XKR4: variants seen among roughly 807,000 people sequenced by gnomAD.
XKR4 encodes XK related 4.
XKR4 carries 12 observed loss-of-function variants against 53.9 expected under a neutral mutation model. That is an observed-to-expected ratio of 0.22 (90% CI 0.14 to 0.36). XKR4 has a LOEUF of 0.36. Among genes scored for constraint, XKR4 ranks in the 10% least tolerant of loss-of-function variants. XKR4 has a pLI of 1.00. For missense variants in XKR4, 799 were observed against 859.5 expected, an observed-to-expected ratio of 0.93 and a Z score of 0.88; for synonymous variants, 354 against 362.4, an observed-to-expected ratio of 0.98 and a Z score of 0.26.
intron 2 of XKR4, among the ~76,000 whole-genome samples, chr8:55,365,525 A>G (rs1803966670): frequency 6.6e-6 from 1 of 152,128 alleles, no homozygotes; most frequent in Non-Finnish European, 1.5e-5. Context: ...ACCAACGTGG[A>G]GAAACCCCGG....
chr8:55,395,948 T>C lies in XKR4; in HGVS notation c.1006+38071T>C, dbSNP rs970887424. Among the ~76,000 whole-genome samples, 34 of 152,224 alleles carry C rather than the reference T, an allele frequency of 2.2e-4. 2 individuals carry two copies. The highest frequency in any genetic ancestry group is 8.2e-4 in the African/African-American group (34 of 41,464). ...CCCACTGTCTGCTGAGGGCCCACTT[T>C]CTGGTTTACAGGCAGCCTTCTCACT... On this transcript the variant is annotated intron_variant, in intron 2 of 2. Coordinates refer to ENST00000327381, the MANE Select transcript of XKR4 (RefSeq NM_052898.2).
chr8:55,281,524 C>T (rs554725574), intron 1 of XKR4, among the ~76,000 whole-genome samples: 2 of 152,216 alleles, frequency 1.3e-5, no homozygotes, highest in East Asian at 1.9e-4. Context: ...AGATGAAAAA[C>T]GTAGAAACAT....
chr8:55,342,486 G>A (rs377102220), intron 1 of XKR4, among the ~76,000 whole-genome samples: 1 of 151,792 alleles, frequency 6.6e-6, no homozygotes, highest in Non-Finnish European at 1.5e-5. Context: ...CATCTCACTC[G>A]CACAGTCCAC....
At chr8:55,231,464 T>C (rs1211806829) in intron 1 of XKR4, among the ~76,000 whole-genome samples, 5 of 152,204 alleles carry the variant, frequency 3.3e-5, no homozygotes, top group African/African-American at 1.2e-4. Context: ...TTTTATCTTA[T>C]TTTATTTTGA....
At position 55,523,576 on chromosome 8, in the gene XKR4, C is replaced by T. The variant is rs368680085; in HGVS notation, c.1302C>T (p.Asp434=). Residue 434 remains aspartate (D), a synonymous_variant, in exon 3 of 3, where the codon GAC becomes GAT. Transcript: ENST00000327381. The part of the protein sequence containing the change: ...CITKWEEIVF[D]MVVGIIYIFS... ...CCAAATGGGAAGAGATTGTGTTCGA[C>T]ATGGTGGTGGGGATTATCTATATCT... is the stretch of plus-strand genomic sequence containing the variant. 1 of 1,614,072 alleles carries T rather than the reference C, an allele frequency of 6.2e-7. No homozygotes were observed. The highest frequency in any genetic ancestry group is 8.5e-7 in the Non-Finnish European group (1 of 1,180,036).
intron 1 of XKR4, chr8:55,272,895 A>C (rs949454632): frequency 8.8e-6 from 4 of 453,606 alleles, no homozygotes; most frequent in Admixed American, 4.8e-5. Context: ...TAAATTATTC[A>C]TGTCTGGAGA....
Position 55,102,991 on chromosome 8 carries a change from T to C in XKR4, c.503T>C (p.Val168Ala), listed in dbSNP as rs1338815113. Residue 168 changes from valine (V) to alanine (A), a missense_variant, in exon 1 of 3, where the codon GTG becomes GCG. By Grantham distance (64) the Val-to-Ala change is moderately conservative. Around this residue, in one of 3 missense-constraint regions of XKR4, gnomAD observed 476 missense variants for 505.4 expected, o/e 0.94. Coordinates refer to ENST00000327381, the MANE Select transcript of XKR4 (RefSeq NM_052898.2). The surrounding 1 kb of genome is among the most constrained non-coding windows in gnomAD (Gnocchi z 5.1). ...CAAGTGTTCAGCTTCCGCTGGTTTGTGCACGATTTCAGCACCGAGGACAGC... is the reference window on the plus strand; with the variant it reads ...CAAGTGTTCAGCTTCCGCTGGTTTGCGCACGATTTCAGCACCGAGGACAGC... ...SVQVFSFRWF[V>A]HDFSTEDSAT... 1.1e-5 allele frequency: 17 copies of C among 1,612,190 alleles called. No homozygotes were observed. The Middle Eastern group carries it at 6.6e-4, about 63-fold the overall frequency.
At chr8:55,126,722 G>T (rs1816473140) in intron 1 of XKR4, among the ~76,000 whole-genome samples, 1 of 152,132 alleles carries the variant, frequency 6.6e-6, no homozygotes, top group Non-Finnish European at 1.5e-5. Context: ...AGCTAAATTT[G>T]CTTTGGGGTC....
At chr8:55,410,720 T>A (rs549169789) in intron 2 of XKR4, among the ~76,000 whole-genome samples, 2 of 152,126 alleles carry the variant, frequency 1.3e-5, no homozygotes, top group East Asian at 3.9e-4. Context: ...ATCCACCTCC[T>A]GACATCCAGG....
intron 1 of XKR4, among the ~76,000 whole-genome samples, chr8:55,221,637 A>G (rs562916444): frequency 1.3e-5 from 2 of 152,222 alleles, no homozygotes; most frequent in South Asian, 4.2e-4. Flanking sequence ...TGAGCTCAGG[A>G]AGTTCCCTCT....
intron 2 of XKR4, among the ~76,000 whole-genome samples, chr8:55,481,842 T>C (rs1306873232): frequency 6.6e-6 from 1 of 151,988 alleles, no homozygotes; most frequent in Non-Finnish European, 1.5e-5. Flanking sequence ...AAAACCACAA[T>C]GAGATACCAT....
chr8:55,220,369 A>T (rs1817864832), intron 1 of XKR4, among the ~76,000 whole-genome samples: 2 of 152,236 alleles, frequency 1.3e-5, no homozygotes, highest in African/African-American at 4.8e-5. Context: ...GAAGCAAGTC[A>T]GTCTTTTTTG....
At chr8:55,235,472 GC>G (rs1818106261) in intron 1 of XKR4, among the ~76,000 whole-genome samples, 1 of 152,168 alleles carries the variant, frequency 6.6e-6, no homozygotes, top group Non-Finnish European at 1.5e-5. Context: ...AAAATAAAGT[GC>G]TTAGAACAGT....
chr8:55,451,567 A>G, intron 2 of XKR4: 1 of 1,158,774 alleles, frequency 8.6e-7, no homozygotes, highest in Non-Finnish European at 1.2e-6. Flanking sequence ...ATGCAGCAGT[A>G]CTGCCTTGGA....
intron 2 of XKR4, among the ~76,000 whole-genome samples, chr8:55,515,401 GT>G (rs145888781): frequency 1.3e-5 from 2 of 150,824 alleles, no homozygotes; most frequent in East Asian, 1.9e-4. Context: ...AGGTTGTCGT[GT>G]TTTTTTTTCA....
At position 55,123,730 on chromosome 8, in the gene XKR4, T is replaced by G. The variant is rs181719612; in HGVS notation, c.806+20436T>G. Among the ~76,000 whole-genome samples the G allele has an allele frequency of 1.6e-3, 243 of 152,286 alleles. 1 individual carries two copies. The highest frequency in any genetic ancestry group is 5.7e-3 in the African/African-American group (237 of 41,556). Reference sequence around the variant, plus strand: ...GCCTCTATGTAATATCCTCCTGCTGTGTGTGTGTCCCACAGGGGACACCCC... The same window carrying G: ...GCCTCTATGTAATATCCTCCTGCTGGGTGTGTGTCCCACAGGGGACACCCC... On this transcript the variant is annotated intron_variant, in intron 1 of 2. Coordinates refer to ENST00000327381, the MANE Select transcript of XKR4 (RefSeq NM_052898.2).
chr8:55,258,406 T>C (rs769327193), intron 1 of XKR4, among the ~76,000 whole-genome samples: 3 of 152,206 alleles, frequency 2.0e-5, no homozygotes, highest in Non-Finnish European at 2.9e-5. Flanking sequence ...TGCTGGGGTC[T>C]GTCAGAAGCT....
chr8:55,201,680 A>T (rs1817578326), intron 1 of XKR4, among the ~76,000 whole-genome samples: 1 of 152,198 alleles, frequency 6.6e-6, no homozygotes. Context: ...CTGAAGTTTT[A>T]GACCTGTTTC....
At chr8:55,179,230 G>C (rs1563476370) in intron 1 of XKR4, among the ~76,000 whole-genome samples, 1 of 152,044 alleles carries the variant, frequency 6.6e-6, no homozygotes, top group Non-Finnish European at 1.5e-5. Flanking sequence ...AATAAAGCAG[G>C]CTAATTTTTC....
Sources: gnomAD v4.1 joint callset for allele counts (sites outside exome capture counted in the v4.1 genomes callset) on GRCh38, gnomAD v4.1.1 for gene constraint, gnomAD v4.1.1 regional missense constraint, Gnocchi (gnomAD v3.1) non-coding constraint, MANE v1.5 for transcripts, NCBI Gene and HGNC (gene_info 2026-07-23, HGNC 2026-07-21) for gene names.